The following CSMD1 variants were observed in gnomAD, a reference collection of about 807,000 sequenced individuals.
CSMD1 encodes CUB and Sushi multiple domains 1.
CSMD1 carries 213 observed loss-of-function variants against 417.5 expected under a neutral mutation model. The ratio of observed to expected loss-of-function variants is 0.51; its 90% CI spans 0.46 to 0.57. The LOEUF (loss-of-function observed/expected upper bound fraction) is 0.57. Ranked by LOEUF, CSMD1 falls within the 20% of genes least tolerant of loss-of-function variation. The pLI is 0.00. For synonymous variants in CSMD1, 2,862 were observed against 1,736.8 expected (o/e 1.65, Z -16.11); for missense variants, 6,923 against 4,529.7 (o/e 1.53, Z -15.17).
chr8:4,457,999 T>C (rs1486556477), intron 2 of CSMD1, among the ~76,000 whole-genome samples: 1 of 152,106 alleles, frequency 6.6e-6, no homozygotes, highest in Non-Finnish European at 1.5e-5. Flanking sequence ...CCCTGAGAGG[T>C]AGTGACTTCT....
chr8:4,926,747 A>ATT (rs566226934), intron 1 of CSMD1, among the ~76,000 whole-genome samples: 157 of 152,222 alleles, frequency 1.0e-3, no homozygotes, highest in African/African-American at 3.5e-3. Context: ...TGTGACTTAC[A>ATT]TTTTAAATTC....
At chr8:3,360,067 G>T (rs1478357628) in intron 20 of CSMD1, among the ~76,000 whole-genome samples, 2 of 152,142 alleles carry the variant, frequency 1.3e-5, no homozygotes, top group Non-Finnish European at 2.9e-5. Flanking sequence ...AAGGCACAGG[G>T]CTATGTTTCT....
intron 40 of CSMD1, among the ~76,000 whole-genome samples, chr8:3,146,031 G>A (rs1818822467): frequency 6.6e-6 from 1 of 152,162 alleles, no homozygotes; most frequent in Non-Finnish European, 1.5e-5. Context: ...TGCACCTTCT[G>A]TGTGTAATAA....
At chr8:3,153,405 T>C (rs1563091528) in intron 39 of CSMD1, among the ~76,000 whole-genome samples, 1 of 152,186 alleles carries the variant, frequency 6.6e-6, no homozygotes, top group Non-Finnish European at 1.5e-5. Context: ...ATAAACTTGC[T>C]TTCACTTTAC....
At chr8:4,682,413 A>G (rs1039027697) in intron 1 of CSMD1, among the ~76,000 whole-genome samples, 2 of 152,174 alleles carry the variant, frequency 1.3e-5, no homozygotes, top group Non-Finnish European at 2.9e-5. Context: ...TGCATTTAGT[A>G]ATTTTCAAAT....
At chr8:3,468,312 G>C (rs1027024947) in intron 12 of CSMD1, among the ~76,000 whole-genome samples, 3 of 152,038 alleles carry the variant, frequency 2.0e-5, no homozygotes, top group African/African-American at 7.2e-5. Context: ...TTTGAATTTG[G>C]CTCATAAAAA....
chr8:3,111,788 T>C (rs537701970), intron 42 of CSMD1, among the ~76,000 whole-genome samples: 1 of 152,034 alleles, frequency 6.6e-6, no homozygotes, highest in African/African-American at 2.4e-5. Flanking sequence ...GCCGAGATTG[T>C]GCCATTGCAC....
At chr8:4,510,331 C>A (rs1802745339) in intron 2 of CSMD1, among the ~76,000 whole-genome samples, 1 of 134,170 alleles carries the variant, frequency 7.5e-6, no homozygotes, top group Non-Finnish European at 1.5e-5. Flanking sequence ...TAAATATTTC[C>A]CAGGTTAGCC....
intron 1 of CSMD1, among the ~76,000 whole-genome samples, chr8:4,789,772 A>G (rs1435622303): frequency 6.6e-6 from 1 of 152,216 alleles, no homozygotes. Flanking sequence ...TTTTTAAGTT[A>G]TCACTGTGTA....
At chr8:4,543,774 G>T (rs577416378) in intron 2 of CSMD1, among the ~76,000 whole-genome samples, 1 of 150,414 alleles carries the variant, frequency 6.6e-6, no homozygotes, top group African/African-American at 2.4e-5. Flanking sequence ...AGTTCCAGTG[G>T]ATTCATATTC....
intron 12 of CSMD1, among the ~76,000 whole-genome samples, chr8:3,424,523 A>C (rs546517927): frequency 6.6e-6 from 1 of 152,338 alleles, no homozygotes; most frequent in East Asian, 1.9e-4. Context: ...AAAAGTTAAA[A>C]AATTACTTGG....
intron 5 of CSMD1, among the ~76,000 whole-genome samples, chr8:3,890,665 A>G (rs1806908582): frequency 1.3e-5 from 2 of 152,198 alleles, no homozygotes; most frequent in African/African-American, 4.8e-5. Flanking sequence ...CAAATTTAAT[A>G]AAACCGATTA....
chr8:4,627,760 A>C (rs1195415844), intron 2 of CSMD1, among the ~76,000 whole-genome samples: 1 of 152,146 alleles, frequency 6.6e-6, no homozygotes, highest in Non-Finnish European at 1.5e-5. Flanking sequence ...AACCTCTTTA[A>C]GCTTCGGCCT....
chr8:4,315,634 T>C (rs1563440992), intron 3 of CSMD1, among the ~76,000 whole-genome samples: 1 of 152,142 alleles, frequency 6.6e-6, no homozygotes, highest in Non-Finnish European at 1.5e-5. Flanking sequence ...AAAGATAAAA[T>C]GATTTTATTA....
At chr8:4,511,203 C>T (rs1246258912) in intron 2 of CSMD1, among the ~76,000 whole-genome samples, 1 of 152,056 alleles carries the variant, frequency 6.6e-6, no homozygotes, top group Non-Finnish European at 1.5e-5. Flanking sequence ...AGTCCATGTA[C>T]AGATCCATTT....
chr8:3,397,483 C>A (rs775067306), intron 16 of CSMD1, among the ~76,000 whole-genome samples: 1 of 152,104 alleles, frequency 6.6e-6, no homozygotes, highest in African/African-American at 2.4e-5. Flanking sequence ...TACCCTGGGC[C>A]CCATTCTTCC....
At chr8:3,022,221 C>T (rs1017308120) in intron 51 of CSMD1, among the ~76,000 whole-genome samples, 6 of 147,712 alleles carry the variant, frequency 4.1e-5, no homozygotes, top group Non-Finnish European at 5.9e-5. Flanking sequence ...CCACAGCATC[C>T]GGAATACACC....
chr8:4,270,022 C>A (rs192924733), intron 3 of CSMD1, among the ~76,000 whole-genome samples: 4 of 152,262 alleles, frequency 2.6e-5, no homozygotes, highest in Admixed American at 2.6e-4. Flanking sequence ...TTCAACTCTG[C>A]AGTGTATTGT....
intron 5 of CSMD1, among the ~76,000 whole-genome samples, chr8:3,873,248 G>A (rs867446306): frequency 5.9e-5 from 9 of 152,104 alleles, no homozygotes; most frequent in African/African-American, 1.7e-4. Flanking sequence ...AAAGACACAT[G>A]CAGGTGTATG....
Sources: gnomAD v4.1 joint callset for allele counts (sites outside exome capture counted in the v4.1 genomes callset) on GRCh38, gnomAD v4.1.1 for gene constraint, MANE v1.5 for transcripts, NCBI Gene and HGNC (gene_info 2026-07-23, HGNC 2026-07-21) for gene names.